Variants in RAB2A observed in about 807,000 individuals in gnomAD.
The protein encoded by RAB2A is ras-related protein Rab-2A.
A neutral mutation model predicts 32.5 loss-of-function variants in RAB2A; 7 were observed. That is an observed-to-expected ratio of 0.22 (90% confidence interval 0.12 to 0.40). The LOEUF is 0.40. RAB2A is among the 10% of genes least tolerant of loss of function. RAB2A has a pLI of 1.00. For missense variants in RAB2A, 108 were observed against 260.7 expected, an observed-to-expected ratio of 0.41 and a Z score of 4.03; for synonymous variants, 79 against 85.2, an observed-to-expected ratio of 0.93 and a Z score of 0.40.
intron 1 of RAB2A, among the ~76,000 whole-genome samples, chr8:60,524,847 T>A (rs571515576): frequency 5.3e-5 from 8 of 152,356 alleles, no homozygotes; most frequent in Non-Finnish European, 8.8e-5. Flanking sequence ...CTTTTTCTGC[T>A]GCCAAGTTTT....
At chr8:60,576,309 C>G (rs1030861690) in intron 3 of RAB2A, 2 of 456,156 alleles carry the variant, frequency 4.4e-6, no homozygotes, top group Non-Finnish European at 8.8e-6. Flanking sequence ...TATGTTCTCA[C>G]TGTTAGACCC....
intron 3 of RAB2A, among the ~76,000 whole-genome samples, chr8:60,572,851 C>G (rs919494761): frequency 2.0e-5 from 3 of 152,016 alleles, no homozygotes; most frequent in African/African-American, 7.2e-5. Context: ...AGAAACTTAC[C>G]AAATATTCAA....
chr8:60,598,937 CAAAAAAAAAAAAAAAAAA>C (rs56406651), intron 6 of RAB2A, among the ~76,000 whole-genome samples: 34 of 40,392 alleles, frequency 8.4e-4, no homozygotes, highest in Middle Eastern at 0.028. Context: ...TGCAGTAAAG[CAAAAAAAAAAAAAAAAAA>C]AAAAAAAAAA....
chr8:60,562,770 T>C (rs189880205), intron 2 of RAB2A, among the ~76,000 whole-genome samples: 1 of 152,290 alleles, frequency 6.6e-6, no homozygotes, highest in East Asian at 1.9e-4. Context: ...AACCATTTTT[T>C]AAAGTGAAAG....
intron 6 of RAB2A, among the ~76,000 whole-genome samples, chr8:60,618,288 C>G (rs1320708781): frequency 2.0e-5 from 3 of 152,162 alleles, no homozygotes; most frequent in Non-Finnish European, 4.4e-5. Flanking sequence ...TTCTTTAGAT[C>G]AGGTTGAGGA....
At chr8:60,591,370 A>G (rs962059088) in intron 5 of RAB2A, among the ~76,000 whole-genome samples, 7 of 151,972 alleles carry the variant, frequency 4.6e-5, no homozygotes, top group Admixed American at 2.6e-4. Context: ...GAAACTGGGA[A>G]TTAAACAAAC....
chr8:60,519,022 AAGTT>A (rs1807259235), intron 1 of RAB2A, among the ~76,000 whole-genome samples: 1 of 152,204 alleles, frequency 6.6e-6, no homozygotes, highest in Non-Finnish European at 1.5e-5. Flanking sequence ...AAATCCTAAC[AAGTT>A]AATGCTCTGT....
rs1253183080 is a variant in RAB2A, at chr8:60,584,714, TA to T, written c.270-8del. 1 of 1,590,534 alleles carries T rather than the reference TA, an allele frequency of 6.3e-7. No individual in the cohort carries two copies. The highest frequency in any genetic ancestry group is 8.6e-7 in the Non-Finnish European group (1 of 1,162,276). On this transcript the variant is annotated splice_region_variant and splice_polypyrimidine_tract_variant and intron_variant, in intron 4 of 7. Coordinates refer to ENST00000262646, the MANE Select transcript of RAB2A (RefSeq NM_002865.3). ...TGAACATAGTAATTAAATTATTATTTATGTTTAGGAGAGATACATTCAACCA... is the reference window on the plus strand; with the variant it reads ...TGAACATAGTAATTAAATTATTATTTTGTTTAGGAGAGATACATTCAACCA...
At chr8:60,558,808 T>C in intron 1 of RAB2A, 44 bp from the exon 2 acceptor site, 1 of 1,508,016 alleles carries the variant, frequency 6.6e-7, no homozygotes, top group Non-Finnish European at 9.2e-7. Flanking sequence ...AGCATCTTAA[T>C]TTCTGTGAAT....
At chr8:60,576,469 G>C (rs1803632475) in intron 3 of RAB2A, among the ~76,000 whole-genome samples, 2 of 152,006 alleles carry the variant, frequency 1.3e-5, no homozygotes, top group South Asian at 4.1e-4. Context: ...GGATGTTTTA[G>C]TTAAGTTCAT....
chr8:60,535,545 T>C (rs752818929), intron 1 of RAB2A, among the ~76,000 whole-genome samples: 4 of 152,226 alleles, frequency 2.6e-5, no homozygotes, highest in Non-Finnish European at 5.9e-5. Flanking sequence ...AAAACTCTCA[T>C]AACTGAACTA....
At chr8:60,522,744 A>G (rs1807320071) in intron 1 of RAB2A, among the ~76,000 whole-genome samples, 1 of 152,132 alleles carries the variant, frequency 6.6e-6, no homozygotes, top group African/African-American at 2.4e-5. Context: ...GGATTGGGGA[A>G]GGAAGGGGAT....
At chr8:60,530,946 T>TA (rs1190553947) in intron 1 of RAB2A, among the ~76,000 whole-genome samples, 1 of 152,224 alleles carries the variant, frequency 6.6e-6, no homozygotes, top group Non-Finnish European at 1.5e-5. Context: ...GCCACTAACT[T>TA]ACTAGTGCAC....
At chr8:60,582,838 A>G (rs577390424) in intron 3 of RAB2A, among the ~76,000 whole-genome samples, 4 of 152,310 alleles carry the variant, frequency 2.6e-5, no homozygotes, top group East Asian at 3.9e-4. Context: ...TAGCATTCCA[A>G]TAATGGAACA....
chr8:60,612,793 C>T (rs767287867), intron 6 of RAB2A, among the ~76,000 whole-genome samples: 1 of 152,178 alleles, frequency 6.6e-6, no homozygotes, highest in Admixed American at 6.5e-5. Flanking sequence ...AGAAGTAACA[C>T]CACAACAGCT....
chr8:60,530,831 G>C (rs181369816), intron 1 of RAB2A, among the ~76,000 whole-genome samples: 39 of 152,028 alleles, frequency 2.6e-4, no homozygotes, highest in African/African-American at 9.2e-4. Context: ...GGGTTTAGAC[G>C]GGCACATGTC....
At chr8:60,526,017 G>GCACATATATATATATATATATA (rs879271913) in intron 1 of RAB2A, among the ~76,000 whole-genome samples, 5 of 74,222 alleles carry the variant, frequency 6.7e-5, no homozygotes, top group South Asian at 4.5e-4. Context: ...ATGTGTGTGT[G>GCACATATATATATATATATATA]TACATATATA....
intron 1 of RAB2A, among the ~76,000 whole-genome samples, chr8:60,524,459 T>A (rs1482784331): frequency 6.6e-6 from 1 of 152,242 alleles, no homozygotes; most frequent in Non-Finnish European, 1.5e-5. Flanking sequence ...ACCTCTCTTG[T>A]CCCTCTCCTA....
At chr8:60,587,551 C>T (rs972540547) in intron 5 of RAB2A, among the ~76,000 whole-genome samples, 1 of 152,020 alleles carries the variant, frequency 6.6e-6, no homozygotes, top group Non-Finnish European at 1.5e-5. Context: ...CTTCAAAAGA[C>T]GGTTACACTA....
Sources: gnomAD v4.1 joint callset for allele counts (sites outside exome capture counted in the v4.1 genomes callset) on GRCh38, gnomAD v4.1.1 for gene constraint, MANE v1.5 for transcripts, NCBI Gene and HGNC (gene_info 2026-07-23, HGNC 2026-07-21) for gene names.